Variants in ANKS3 observed in about 807,000 individuals in gnomAD.
The protein encoded by ANKS3 is ankyrin repeat and sterile alpha motif domain containing 3.
ANKS3 carries 62 observed loss-of-function variants against 80.7 expected under a neutral mutation model. That is an observed-to-expected ratio of 0.77 (90% CI 0.63 to 0.95). The LOEUF (loss-of-function observed/expected upper bound fraction) is 0.95, where lower values mean the gene tolerates loss of function less well. Ranked by LOEUF, ANKS3 falls within the 40% of genes least tolerant of loss-of-function variation. The pLI, the probability that ANKS3 is intolerant of heterozygous loss-of-function variation, is 0.00. For missense variants in ANKS3, 1,150 were observed against 883.6 expected (o/e 1.30, Z -3.82); for synonymous variants, 489 against 355.3 (o/e 1.38, Z -4.23).
rs1029139432 is a variant in ANKS3, at chr16:4,701,203, C to T, written c.1120-69G>A. The T allele has an allele frequency of 1.1e-5, 18 of 1,596,962 alleles. No individual in the cohort carries two copies. The South Asian group carries it at 1.4e-4, about 13-fold the overall frequency. On this transcript the variant is annotated intron_variant, in intron 10 of 17. Coordinates refer to ENST00000304283, the MANE Select transcript of ANKS3 (RefSeq NM_133450.4). ...TGAGAGCCTTGGTGAAACCCCCACC[C>T]GCCACACAGGGGCTTGAGAGGCTTC...
At chr16:4,724,668 A>G (rs1025204283) in intron 6 of ANKS3, 82 bp downstream of exon 6, 1 of 1,348,506 alleles carries the variant, frequency 7.4e-7, no homozygotes, top group Non-Finnish European at 1.0e-6. Flanking sequence ...GCAAAGGAAA[A>G]TTCTGTAATA....
At position 4,697,904 on chromosome 16, in the gene ANKS3, C is replaced by G. The variant is rs940518060; in HGVS notation, c.1810+73G>C. On this transcript the variant is annotated intron_variant, in intron 15 of 17. Coordinates refer to ENST00000304283, the MANE Select transcript of ANKS3 (RefSeq NM_133450.4). Reference sequence around the variant, plus strand: ...CGGCCGGAGAACCAGGCCAAGCCCACTGGGTCAAACCTGGCTTCAGGGCTC... The same window carrying G: ...CGGCCGGAGAACCAGGCCAAGCCCAGTGGGTCAAACCTGGCTTCAGGGCTC... 26 of 1,354,416 alleles carry G rather than the reference C, an allele frequency of 1.9e-5. 1 individual carries two copies. The highest frequency in any genetic ancestry group is 4.9e-6 in the Non-Finnish European group (5 of 1,016,806). The allele number at this position is 1,354,416 out of a possible 1,614,324, so 83.9% of individuals were successfully genotyped here.
chr16:4,697,538 AGT>A, intron 15 of ANKS3, 122 bp from the exon 16 acceptor site: 1 of 796,520 alleles, frequency 1.3e-6, no homozygotes, highest in Non-Finnish European at 1.9e-6. Flanking sequence ...CCCGCCTGAC[AGT>A]GTCTAAGCAA....
intron 10 of ANKS3, 24 bp downstream of exon 10, chr16:4,701,410 G>C (rs1343546879): frequency 6.4e-7 from 1 of 1,574,148 alleles, no homozygotes; most frequent in East Asian, 2.3e-5. Flanking sequence ...GGCTATGGGA[G>C]ACCAAGAAAG....
intron 13 of ANKS3, 35 bp downstream of exon 13, chr16:4,698,765 C>T: frequency 4.5e-6 from 7 of 1,570,700 alleles, no homozygotes; most frequent in African/African-American, 2.7e-5. Flanking sequence ...TCACGGGTGT[C>T]ACCCTGCCCC....
intron 6 of ANKS3, among the ~76,000 whole-genome samples, chr16:4,717,005 G>T (rs1413473488): frequency 6.6e-6 from 1 of 152,028 alleles, no homozygotes; most frequent in Non-Finnish European, 1.5e-5. Context: ...GCCGAGACGG[G>T]TGGATCACCT....
intron 6 of ANKS3, among the ~76,000 whole-genome samples, chr16:4,719,730 T>C (rs375792630): frequency 1.3e-5 from 2 of 151,334 alleles, no homozygotes; most frequent in African/African-American, 4.9e-5. Flanking sequence ...GCCCAGGAGG[T>C]TGAGACTACA....
chr16:4,709,030 C>G (rs1248793874), intron 7 of ANKS3, among the ~76,000 whole-genome samples: 1 of 151,864 alleles, frequency 6.6e-6, no homozygotes. Context: ...CTGTGGGAGA[C>G]TGAGGTGGGA....
chr16:4,733,367 A>T (rs1350191516), intron 1 of ANKS3, among the ~76,000 whole-genome samples: 2 of 151,772 alleles, frequency 1.3e-5, no homozygotes, highest in Non-Finnish European at 2.9e-5. Context: ...TCTCGGCTCA[A>T]TGCAACCTCC....
chr16:4,702,188 AG>A lies in ANKS3; in HGVS notation c.922del (p.Leu308TrpfsTer84). 1 of 1,594,672 alleles carries A rather than the reference AG, an allele frequency of 6.3e-7. No homozygotes were observed. The highest frequency in any genetic ancestry group is 8.5e-7 in the Non-Finnish European group (1 of 1,170,914). ...CCGGCAGCAGAGGCCCTCTTCTTCCAGGGGGTTCTCGCCACTGCTGTTGAAG... is the reference window on the plus strand; with the variant it reads ...CCGGCAGCAGAGGCCCTCTTCTTCCAGGGGTTCTCGCCACTGCTGTTGAAG... ...VTFNSSGENP[L>X]EEEGLCCRDV... On this transcript the variant is annotated frameshift_variant, in exon 9 of 18. Coordinates refer to ENST00000304283, the MANE Select transcript of ANKS3 (RefSeq NM_133450.4). LOFTEE classifies it high-confidence loss of function.
chr16:4,704,456 G>A (rs780118912), intron 8 of ANKS3, among the ~76,000 whole-genome samples: 2 of 152,130 alleles, frequency 1.3e-5, no homozygotes, highest in African/African-American at 2.4e-5. Context: ...CTCTGGGACA[G>A]ACCACAGCAA....
chr16:4,709,876 T>C, intron 7 of ANKS3, among the ~76,000 whole-genome samples: 1 of 151,970 alleles, frequency 6.6e-6, no homozygotes, highest in Non-Finnish European at 1.5e-5. Context: ...CCAGGTGTGG[T>C]GGTAGGTGCC....
rs1282246742 is a variant in ANKS3, at chr16:4,730,123, G to A, written c.27C>T (p.Ser9=). The change falls in exon 3 of 18, where the codon AGC becomes AGT. Residue 9 remains serine, a synonymous_variant. Coordinates refer to ENST00000304283, the MANE Select transcript of ANKS3 (RefSeq NM_133450.4). ...AGCTGCGGTTCAGGAGTTCCGGCTC[G>A]CTGGCTTCATCGCTGAGCTCGGACA... MSELSDEA[S]EPELLNRSLS... is the part of the protein sequence containing the mutation. 5.1e-6 allele frequency: 8 copies of A among 1,582,966 alleles called. No individual in the cohort carries two copies. The highest frequency in any genetic ancestry group is 1.1e-5 in the South Asian group (1 of 87,496).
chr16:4,702,266 A>C, intron 8 of ANKS3, 24 bp from the exon 9 acceptor site: 1 of 1,470,652 alleles, frequency 6.8e-7, no homozygotes. Context: ...GGGGCCCATA[A>C]GCCCAGGGAA....
At chr16:4,733,130 C>A (rs1254334400) in intron 1 of ANKS3, among the ~76,000 whole-genome samples, 9 of 124,892 alleles carry the variant, frequency 7.2e-5, no homozygotes, top group Admixed American at 2.1e-4. Context: ...ACAAAAAAAA[C>A]AGAATGAATA....
chr16:4,705,065 A>G, intron 8 of ANKS3, 30 bp downstream of exon 8: 1 of 1,606,636 alleles, frequency 6.2e-7, no homozygotes, highest in East Asian at 2.2e-5. Context: ...TGCAATGAGA[A>G]AGAGCCCTCG....
rs184798314 is a variant in ANKS3 at position 4,698,759 on chromosome 16, G to A, written c.1551+41C>T. 7.8e-5 allele frequency: 122 copies of A among 1,565,852 alleles called. 1 individual carries two copies. The highest frequency in any genetic ancestry group is 4.6e-4 in the Admixed American group (25 of 54,472). On this transcript the variant is annotated intron_variant, in intron 13 of 17. Coordinates refer to ENST00000304283, the MANE Select transcript of ANKS3 (RefSeq NM_133450.4). ...TCTGTCAGAGATGGAGCCAACTCAC[G>A]GGTGTCACCCTGCCCCCCCATCCCC...
chr16:4,714,422 C>T (rs539428217), intron 6 of ANKS3: 1 of 574,304 alleles, frequency 1.7e-6, no homozygotes, highest in Non-Finnish European at 3.0e-6. Flanking sequence ...GGAGTCATCT[C>T]CCACGCTCAT....
chr16:4,714,090 A>G lies in ANKS3; in HGVS notation c.670T>C (p.Tyr224His). ...AGGCTCTTGGGCAGAGAGGGCGAGT[A>G]AGTGTCCATCAAGGCCACGATCTTC... ...HMKIVALMDT[Y>H]SPSLPKSLYR... Residue 224 changes from tyrosine (Y) to histidine (H), a missense_variant, in exon 7 of 18, where the codon TAC (tyrosine) becomes CAC (histidine). Coordinates refer to ENST00000304283, the MANE Select transcript of ANKS3 (RefSeq NM_133450.4). 6.2e-7 allele frequency: 1 copy of G among 1,614,172 alleles called. No homozygotes were observed. The highest frequency in any genetic ancestry group is 8.5e-7 in the Non-Finnish European group (1 of 1,180,036).
Sources: allele counts gnomAD v4.1 joint callset (sites outside exome capture counted in the v4.1 genomes callset), GRCh38; gene constraint gnomAD v4.1.1; transcripts MANE v1.5; gene names NCBI Gene and HGNC (gene_info 2026-07-23, HGNC 2026-07-21).